ZNF428: variants seen among roughly 807,000 people sequenced by gnomAD.
The protein encoded by ZNF428 is zinc finger protein 428.
ZNF428 carries 5 observed loss-of-function variants against 15.6 expected under a neutral mutation model. The ratio of observed to expected loss-of-function variants is 0.32; its 90% CI spans 0.17 to 0.67. ZNF428 has a LOEUF of 0.67. ZNF428 is among the 30% of genes least tolerant of loss of function. The pLI, the probability that ZNF428 is intolerant of heterozygous loss-of-function variation, is 0.73. For missense variants in ZNF428, 237 were observed against 256.0 expected, an observed-to-expected ratio of 0.93 and a Z score of 0.51; for synonymous variants, 97 against 102.2, an observed-to-expected ratio of 0.95 and a Z score of 0.31.
chr19:43,608,474 A>T (rs1973263066), intron 2 of ZNF428: 1 of 175,388 alleles, frequency 5.7e-6, no homozygotes, highest in African/African-American at 2.4e-5. Context: ...ACAAAAAATT[A>T]AAAAATTAGC....
intron 1 of ZNF428, 170 bp from the exon 2 acceptor site, chr19:43,614,604 C>CT (rs397803343): frequency 0.027 from 8,322 of 304,248 alleles, 27 homozygotes; most frequent in Middle Eastern, 0.04. Context: ...CTCTCTAGGT[C>CT]TTTTTTTTTT....
At chr19:43,613,868 C>T in intron 2 of ZNF428, 2 of 1,551,644 alleles carry the variant, frequency 1.3e-6, no homozygotes, top group Non-Finnish European at 1.7e-6. Flanking sequence ...AGAGCGCAGA[C>T]AATCTAGAAG....
Position 43,608,015 on chromosome 19 carries a change from CA to C in ZNF428, c.168del (p.Asp57ThrfsTer11). On this transcript the variant is annotated frameshift_variant, in exon 3 of 3. Transcript: ENST00000300811. LOFTEE classifies it high-confidence loss of function. ...TAGCCAGGATCATATTCAGGATCGT[CA>C]GTGGTCTCCTCTTCCTCCTCCTCCT... The part of the protein sequence containing the change: ...EDEEEEEEET[T>X]DDPEYDPGYK... 1 of 1,613,488 alleles carries C rather than the reference CA, an allele frequency of 6.2e-7. No individual in the cohort carries two copies. The highest frequency in any genetic ancestry group is 8.5e-7 in the Non-Finnish European group (1 of 1,179,936).
chr19:43,609,360 G>GAGAGAGAGAA (rs1555775020), intron 2 of ZNF428, among the ~76,000 whole-genome samples: 1 of 123,284 alleles, frequency 8.1e-6, no homozygotes, highest in Non-Finnish European at 1.7e-5. Context: ...TGTGGCCATG[G>GAGAGAGAGAA]AGAGAGAGAG....
In ZNF428 at chr19:43,607,566, CCCT is replaced by C; in HGVS notation, c.*48_*50del. 1 of 1,527,646 alleles carries C rather than the reference CCCT, an allele frequency of 6.5e-7. No homozygotes were observed. The highest frequency in any genetic ancestry group is 8.8e-7 in the Non-Finnish European group (1 of 1,137,210). 94.6% of individuals were successfully genotyped at this position (1,527,646 alleles called of 1,614,324 possible). ...TGTCACAACCCCAATTTCCTCAGCC[CCCT>C]CCTCCCACCCCACCCCTTCTGCCAA... is the stretch of plus-strand genomic sequence containing the variant. On this transcript the variant is annotated 3_prime_UTR_variant, in exon 3 of 3. Coordinates refer to ENST00000300811, the MANE Select transcript of ZNF428 (RefSeq NM_182498.4). This position sits in a 1 kb window ranked among gnomAD's most constrained non-coding sequence, Gnocchi z 5.1.
chr19:43,607,924 T>A lies in ZNF428; in HGVS notation c.260A>T (p.Gln87Leu). ...GPSRRAPRAA[Q>L]PPAQPCQLCG... ...GAGCTGGCAAGGCTGGGCCGGGGGC[T>A]GGGCTGCACGGGGGGCCCGGCGGGA... Residue 87 changes from glutamine to leucine, a missense_variant, in exon 3 of 3, where the codon CAG (glutamine) becomes CTG (leucine). Gln to Leu is a moderately radical substitution (Grantham distance 113, BLOSUM62 -2). Coordinates refer to ENST00000300811, the MANE Select transcript of ZNF428 (RefSeq NM_182498.4). The surrounding 1 kb of genome is among the most constrained non-coding windows in gnomAD (Gnocchi z 5.1). 1 of 1,574,402 alleles carries A rather than the reference T, an allele frequency of 6.4e-7. No homozygotes were observed. Among genetic ancestry groups the A allele is most frequent in the East Asian group, 2.3e-5 (1 of 42,824 alleles).
intron 2 of ZNF428, chr19:43,613,053 A>T (rs1467530734): frequency 6.4e-7 from 1 of 1,551,626 alleles, no homozygotes; most frequent in South Asian, 1.2e-5. Flanking sequence ...AAGAGAAACC[A>T]TAGCAGGGCA....
intron 2 of ZNF428, among the ~76,000 whole-genome samples, chr19:43,610,958 T>C (rs558785212): frequency 6.6e-6 from 1 of 152,314 alleles, no homozygotes; most frequent in African/African-American, 2.4e-5. Context: ...AACAATCGTT[T>C]CCTGAGGCCT....
intron 1 of ZNF428, among the ~76,000 whole-genome samples, chr19:43,617,885 G>A (rs547825445): frequency 2.0e-5 from 3 of 152,046 alleles, no homozygotes; most frequent in South Asian, 2.1e-4. Flanking sequence ...TTTTTGGGAC[G>A]GAGTGTCACT....
Position 43,608,028 on chromosome 19 carries a change from T to TTCC in ZNF428, c.153_155dup (p.Glu54dup), listed in dbSNP as rs748877856. 8.1e-6 allele frequency: 13 copies of TTCC among 1,613,698 alleles called. No homozygotes were observed. The highest frequency in any genetic ancestry group is 4.5e-5 in the East Asian group (2 of 44,866). On this transcript the variant is annotated inframe_insertion, in exon 3 of 3. Transcript: ENST00000300811. ...ATTCAGGATCGTCAGTGGTCTCCTC[T>TTCC]TCCTCCTCCTCCTCATCTTCTTCCT...
intron 2 of ZNF428, chr19:43,613,749 G>C (rs1209311664): frequency 3.9e-6 from 6 of 1,551,486 alleles, no homozygotes; most frequent in African/African-American, 1.4e-5. Context: ...AACAAGGAGA[G>C]AGATCGCAGC....
intron 1 of ZNF428, among the ~76,000 whole-genome samples, chr19:43,615,322 C>G (rs1019991292): frequency 6.6e-6 from 1 of 151,944 alleles, no homozygotes; most frequent in Admixed American, 6.6e-5. Context: ...ACCATGTTGC[C>G]CAGAGCTCAA....
chr19:43,617,659 A>G (rs796194629), intron 1 of ZNF428, among the ~76,000 whole-genome samples: 7 of 152,356 alleles, frequency 4.6e-5, no homozygotes, highest in African/African-American at 1.7e-4. Context: ...TAAGATTGCC[A>G]GATTTAGCAA....
intron 1 of ZNF428, among the ~76,000 whole-genome samples, chr19:43,616,522 A>G (rs907560173): frequency 6.6e-6 from 1 of 152,232 alleles, no homozygotes; most frequent in African/African-American, 2.4e-5. Flanking sequence ...ATAAGTGAGT[A>G]GCCCAAGGTC....
chr19:43,614,545 C>G, intron 1 of ZNF428, 111 bp from the exon 2 acceptor site: 1 of 990,790 alleles, frequency 1.0e-6, no homozygotes, highest in Non-Finnish European at 1.4e-6. Flanking sequence ...ACAGAGGACC[C>G]CAGCTCTGTC....
At chr19:43,613,550 A>G in intron 2 of ZNF428, 2 of 1,551,578 alleles carry the variant, frequency 1.3e-6, no homozygotes, top group Non-Finnish European at 1.7e-6. Flanking sequence ...CAGCCGATCT[A>G]GAAGCCCCAG....
rs149011418 is a variant in ZNF428, at chr19:43,612,462, G to A, written c.76+1767C>T. On this transcript the variant is annotated intron_variant, in intron 2 of 2. Transcript: ENST00000300811. This position sits in a 1 kb window ranked among gnomAD's most constrained non-coding sequence, Gnocchi z 4.2. ...GCCAGCGACGTGAGATGCCACCAGC[G>A]GAGGGGCACACACAGCCGGGGTAGG... The A allele has an allele frequency of 2.3e-5, 35 of 1,551,472 alleles. No homozygotes were observed. The highest frequency in any genetic ancestry group is 1.7e-4 in the Middle Eastern group (1 of 5,992).
Position 43,613,324 on chromosome 19 carries a change from C to A in ZNF428, c.76+905G>T, listed in dbSNP as rs1973325572. ...GAAGCCCCAACAAGCAGAGAGATCACAGCCGATCTAGAAGTCCCAACAAGG... is the reference window on the plus strand; with the variant it reads ...GAAGCCCCAACAAGCAGAGAGATCAAAGCCGATCTAGAAGTCCCAACAAGG... On this transcript the variant is annotated intron_variant, in intron 2 of 2. Transcript: ENST00000300811. The A allele has an allele frequency of 1.3e-6, 2 of 1,551,210 alleles. No individual in the cohort carries two copies. Among genetic ancestry groups the A allele is most frequent in the Non-Finnish European group, 8.7e-7 (1 of 1,146,908 alleles).
Position 43,617,138 on chromosome 19 carries a change from C to T in ZNF428, c.-131+2420G>A, listed in dbSNP as rs1330981092. On this transcript the variant is annotated intron_variant, in intron 1 of 2. Coordinates refer to ENST00000300811, the MANE Select transcript of ZNF428 (RefSeq NM_182498.4). The stretch of plus-strand genomic sequence containing the variant: ...GCCTGGAGAACTCCTTTTCACCCTT[C>T]AAAGCCCACCACAAACATAAGAACC... Among the ~76,000 whole-genome samples, 5 of 152,006 alleles carry T rather than the reference C, an allele frequency of 3.3e-5. No homozygotes were observed. The East Asian group carries it at 9.6e-4, about 29-fold the overall frequency.
Sources: allele counts gnomAD v4.1 joint callset (sites outside exome capture counted in the v4.1 genomes callset), GRCh38; gene constraint gnomAD v4.1.1; non-coding constraint Gnocchi (gnomAD v3.1); transcripts MANE v1.5; gene names NCBI Gene and HGNC (gene_info 2026-07-23, HGNC 2026-07-21).